The following CCDC170 variants were observed in gnomAD, a reference collection of about 807,000 sequenced individuals.
The protein encoded by CCDC170 is coiled-coil domain containing 170, also known as coiled-coil domain-containing protein 170.
A neutral mutation model predicts 72.6 loss-of-function variants in CCDC170; 69 were observed. That is an observed-to-expected ratio of 0.95 (90% CI 0.78 to 1.16). The LOEUF (loss-of-function observed/expected upper bound fraction) is 1.16, where lower values mean the gene tolerates loss of function less well. Among genes scored for constraint, CCDC170 ranks in the 50% most tolerant of loss-of-function variants. CCDC170 has a pLI of 0.00. For missense variants in CCDC170, 852 were observed against 832.5 expected (o/e 1.02, Z -0.29); for synonymous variants, 300 against 303.9 (o/e 0.99, Z 0.13).
chr6:151,585,893 T>C lies in CCDC170; in HGVS notation c.1097T>C (p.Val366Ala), dbSNP rs200423775. 2.3e-4 allele frequency: 367 copies of C among 1,613,212 alleles called. 5 individuals carry two copies. The highest frequency in any genetic ancestry group is 6.3e-4 in the Admixed American group (38 of 59,960). ...GATCTGTTTCTTTGTTTCCAGATGG[T>C]CTCCCAGCTTGAAGCCCAAATATCT... ...DSREESRDRM[V>A]SQLEAQISEL... is the part of the protein sequence containing the mutation. The change falls in exon 7 of 11, where the codon GTC (valine) becomes GCC (alanine). Residue 366 changes from valine to alanine, a missense_variant. By Grantham distance (64) the Val-to-Ala change is moderately conservative. Transcript: ENST00000239374.
chr6:151,586,504 A>G (rs1173925828), intron 7 of CCDC170, among the ~76,000 whole-genome samples: 2 of 152,222 alleles, frequency 1.3e-5, no homozygotes, highest in South Asian at 2.1e-4. Flanking sequence ...AATTAAGTTC[A>G]TTTTTGAAAG....
intron 1 of CCDC170, among the ~76,000 whole-genome samples, chr6:151,506,444 G>A (rs957226725): frequency 1.3e-5 from 2 of 152,182 alleles, no homozygotes; most frequent in African/African-American, 4.8e-5. Context: ...AGGCAAATGG[G>A]CAGACTGACA....
At chr6:151,611,125 A>G (rs1776862940) in intron 9 of CCDC170, among the ~76,000 whole-genome samples, 1 of 152,090 alleles carries the variant, frequency 6.6e-6, no homozygotes, top group Admixed American at 6.6e-5. Context: ...AAAATACAAA[A>G]ATTAGCCAGG....
intron 1 of CCDC170, among the ~76,000 whole-genome samples, chr6:151,504,406 T>G (rs1159223055): frequency 6.7e-6 from 1 of 150,336 alleles, no homozygotes; most frequent in Non-Finnish European, 1.5e-5. Context: ...AAATAGTAAT[T>G]GGTAATAAAT....
chr6:151,598,801 G>A (rs9397066), intron 9 of CCDC170, among the ~76,000 whole-genome samples: 69,707 of 152,068 alleles, frequency 0.46, 20,566 homozygotes, highest in East Asian at 0.82. Flanking sequence ...ACCATTTGGG[G>A]TGACGGTAGT....
intron 1 of CCDC170, among the ~76,000 whole-genome samples, chr6:151,515,559 A>G (rs1782223101): frequency 1.3e-5 from 2 of 152,220 alleles, no homozygotes; most frequent in South Asian, 4.1e-4. Context: ...CTAGGATTGT[A>G]GGCGTGAGCC....
At chr6:151,509,550 A>C (rs1008343921) in intron 1 of CCDC170, among the ~76,000 whole-genome samples, 2 of 152,206 alleles carry the variant, frequency 1.3e-5, no homozygotes, top group African/African-American at 4.8e-5. Flanking sequence ...ACTTTATATT[A>C]AACTAAATTA....
chr6:151,531,691 T>C (rs1038882302), intron 1 of CCDC170, among the ~76,000 whole-genome samples: 3 of 152,198 alleles, frequency 2.0e-5, no homozygotes, highest in African/African-American at 7.2e-5. Flanking sequence ...GACTGGGTAG[T>C]TTATAAAGGA....
At chr6:151,552,213 T>A (rs1027446192) in intron 5 of CCDC170, among the ~76,000 whole-genome samples, 1 of 152,122 alleles carries the variant, frequency 6.6e-6, no homozygotes, top group South Asian at 2.1e-4. Flanking sequence ...ATATTATGTA[T>A]TATATTTCAC....
chr6:151,497,109 C>A (rs1012695869), intron 1 of CCDC170, among the ~76,000 whole-genome samples: 1 of 152,214 alleles, frequency 6.6e-6, no homozygotes, highest in African/African-American at 2.4e-5. Context: ...GAGATTGACC[C>A]TGCTCATAAT....
rs535507551 is a variant in CCDC170 at position 151,536,271 on chromosome 6, G to A, written c.58-47G>A. ...TTTGTGCAGCTGCACGGAAAAGATC[G>A]TTTAACACTCTTCTTTATATTTTGT... On this transcript the variant is annotated intron_variant, in intron 1 of 10. Coordinates refer to ENST00000239374, the MANE Select transcript of CCDC170 (RefSeq NM_025059.4). 1.0e-5 allele frequency: 16 copies of A among 1,603,834 alleles called. No individual in the cohort carries two copies. The Admixed American group carries it at 1.8e-4, about 18-fold the overall frequency.
intron 5 of CCDC170, among the ~76,000 whole-genome samples, chr6:151,554,527 C>T (rs554338319): frequency 2.6e-5 from 4 of 152,052 alleles, no homozygotes; most frequent in African/African-American, 2.4e-5. Context: ...GAGTTTGAGA[C>T]CAGCCTGACC....
At chr6:151,564,986 G>T (rs962946561) in intron 5 of CCDC170, among the ~76,000 whole-genome samples, 1 of 152,152 alleles carries the variant, frequency 6.6e-6, no homozygotes, top group African/African-American at 2.4e-5. Context: ...GCAGCTGTAG[G>T]CAGGCAGCTG....
chr6:151,594,287 G>C (rs1443188910), intron 8 of CCDC170, among the ~76,000 whole-genome samples: 1 of 152,158 alleles, frequency 6.6e-6, no homozygotes, highest in Non-Finnish European at 1.5e-5. Flanking sequence ...ACCTTGAACA[G>C]ATTATATACC....
chr6:151,521,509 G>A (rs1242054130), intron 1 of CCDC170, among the ~76,000 whole-genome samples: 2 of 152,154 alleles, frequency 1.3e-5, no homozygotes, highest in African/African-American at 4.8e-5. Flanking sequence ...AAATGAGGCT[G>A]AGATCTACTG....
At position 151,544,708 on chromosome 6, in the gene CCDC170, A is replaced by G; in HGVS notation, c.580A>G (p.Ile194Val). The G allele has an allele frequency of 6.2e-7, 1 of 1,611,118 alleles. No individual in the cohort carries two copies. The highest frequency in any genetic ancestry group is 8.5e-7 in the Non-Finnish European group (1 of 1,177,570). ...TGACAAGGCATCAGATGAAGATTTAATTTTAAAGGTGTCTGTATGCAGATT... is the reference window on the plus strand; with the variant it reads ...TGACAAGGCATCAGATGAAGATTTAGTTTTAAAGGTGTCTGTATGCAGATT... ...RNDKASDEDL[I>V]LKLRDLRKEN... The change falls in exon 4 of 11, where the codon ATT becomes GTT. Residue 194 changes from isoleucine (I) to valine (V), a missense_variant. Ile to Val is a conservative substitution (Grantham distance 29, BLOSUM62 3). Coordinates refer to ENST00000239374, the MANE Select transcript of CCDC170 (RefSeq NM_025059.4).
At chr6:151,570,856 G>A (rs962414280) in intron 5 of CCDC170, among the ~76,000 whole-genome samples, 1 of 152,190 alleles carries the variant, frequency 6.6e-6, no homozygotes, top group Non-Finnish European at 1.5e-5. Flanking sequence ...TTAATTAGCA[G>A]CAACAGTGGG....
chr6:151,495,462 CT>C lies in CCDC170; in HGVS notation c.57+1284del, dbSNP rs528186005. ...CATCATGATTCTTTCTTTCTCTCTC[CT>C]TTTTTTCTCTTGTTCTCTCCCTCCC... On this transcript the variant is annotated intron_variant, in intron 1 of 10. Coordinates refer to ENST00000239374, the MANE Select transcript of CCDC170 (RefSeq NM_025059.4). Among the ~76,000 whole-genome samples the C allele has an allele frequency of 6.0e-3, 909 of 151,964 alleles. 7 individuals carry two copies. The highest frequency in any genetic ancestry group is 0.011 in the Non-Finnish European group (718 of 67,938).
intron 3 of CCDC170, among the ~76,000 whole-genome samples, chr6:151,540,013 T>G (rs2115049928): frequency 6.6e-6 from 1 of 152,296 alleles, no homozygotes; most frequent in Non-Finnish European, 1.5e-5. Flanking sequence ...TGTCACTAAC[T>G]TGGTCCAAGC....
Sources: allele counts gnomAD v4.1 joint callset (sites outside exome capture counted in the v4.1 genomes callset), GRCh38; gene constraint gnomAD v4.1.1; transcripts MANE v1.5; gene names NCBI Gene and HGNC (gene_info 2026-07-23, HGNC 2026-07-21).